Variants in MKLN1 observed in about 807,000 individuals in gnomAD.
MKLN1 encodes muskelin.
A neutral mutation model predicts 99.0 loss-of-function variants in MKLN1; 18 were observed. That is an observed-to-expected ratio of 0.18 (90% CI 0.13 to 0.27). The LOEUF is 0.27. MKLN1 is among the 10% of genes least tolerant of loss of function. MKLN1 has a pLI of 1.00. For missense variants in MKLN1, 621 were observed against 875.9 expected (o/e 0.71, Z 3.67); for synonymous variants, 288 against 293.2 (o/e 0.98, Z 0.18).
chr7:131,134,399 C>G (rs1795616626), intron 1 of MKLN1, among the ~76,000 whole-genome samples: 1 of 152,052 alleles, frequency 6.6e-6, no homozygotes, highest in African/African-American at 2.4e-5. Flanking sequence ...TTGTCTGCCC[C>G]CAAGATATCC....
intron 2 of MKLN1, among the ~76,000 whole-genome samples, chr7:131,384,229 C>A (rs1367382266): frequency 1.7e-5 from 2 of 114,530 alleles, no homozygotes; most frequent in Admixed American, 1.1e-4. Context: ...CCCCCACCCC[C>A]ACCCCTACCA....
chr7:131,402,730 G>A (rs1177089422), intron 6 of MKLN1, among the ~76,000 whole-genome samples: 13 of 152,100 alleles, frequency 8.5e-5, no homozygotes, highest in Admixed American at 8.5e-4. Context: ...CAAGCTCTTG[G>A]GTGACAGGTG....
chr7:131,144,753 G>A (rs1023236136), intron 2 of MKLN1, among the ~76,000 whole-genome samples: 10 of 151,826 alleles, frequency 6.6e-5, no homozygotes, highest in African/African-American at 1.9e-4. Flanking sequence ...CGAGGTGGGC[G>A]GATCACCTGA....
chr7:131,413,592 T>C (rs2116339140), intron 7 of MKLN1, among the ~76,000 whole-genome samples: 1 of 152,108 alleles, frequency 6.6e-6, no homozygotes, highest in Non-Finnish European at 1.5e-5. Context: ...CCAGCCGGAG[T>C]GCAGTGGTGC....
At chr7:131,185,981 A>G (rs576155942) in intron 2 of MKLN1, among the ~76,000 whole-genome samples, 3 of 150,330 alleles carry the variant, frequency 2.0e-5, no homozygotes, top group Non-Finnish European at 4.4e-5. Context: ...TCATGAGGTC[A>G]AGAGATTGAG....
intron 1 of MKLN1, among the ~76,000 whole-genome samples, chr7:131,335,390 A>G (rs546282733): frequency 6.6e-6 from 1 of 152,312 alleles, no homozygotes; most frequent in South Asian, 2.1e-4. Context: ...TTAAAAAAGT[A>G]TACAAAGAGA....
chr7:131,382,229 G>T (rs1433098728), intron 2 of MKLN1, among the ~76,000 whole-genome samples: 1 of 152,098 alleles, frequency 6.6e-6, no homozygotes, highest in African/African-American at 2.4e-5. Flanking sequence ...GCCAGGCGTG[G>T]TGGCTCATGC....
chr7:131,122,640 A>AGAGAGAAAGGTGACTACT (rs1344961478), intron 1 of MKLN1, among the ~76,000 whole-genome samples: 1 of 152,144 alleles, frequency 6.6e-6, no homozygotes, highest in African/African-American at 2.4e-5. Context: ...GTTTCCCATG[A>AGAGAGAAAGGTGACTACT]GAGAGAAAGG....
At chr7:131,464,057 T>C (rs1012757241) in intron 13 of MKLN1, among the ~76,000 whole-genome samples, 12 of 152,246 alleles carry the variant, frequency 7.9e-5, no homozygotes, top group Non-Finnish European at 1.2e-4. Context: ...TGTATGCTGT[T>C]TGTATTTCAT....
At chr7:131,183,846 T>G (rs1468199868) in intron 2 of MKLN1, among the ~76,000 whole-genome samples, 1 of 152,172 alleles carries the variant, frequency 6.6e-6, no homozygotes, top group African/African-American at 2.4e-5. Flanking sequence ...CTTGAATCTT[T>G]GAATTCTTTT....
At chr7:131,243,949 G>A (rs913843617) in intron 3 of MKLN1, among the ~76,000 whole-genome samples, 2 of 152,160 alleles carry the variant, frequency 1.3e-5, no homozygotes, top group African/African-American at 4.8e-5. Flanking sequence ...AGGAGGCAGA[G>A]GTTGAAGTGA....
At chr7:131,264,302 T>C (rs1797776156) in intron 3 of MKLN1, among the ~76,000 whole-genome samples, 1 of 152,192 alleles carries the variant, frequency 6.6e-6, no homozygotes, top group Non-Finnish European at 1.5e-5. Context: ...GATTACCGAA[T>C]AAAAAATTAA....
chr7:131,111,939 A>G (rs1013071536), intron 1 of MKLN1, among the ~76,000 whole-genome samples: 4 of 152,266 alleles, frequency 2.6e-5, no homozygotes, highest in African/African-American at 9.6e-5. Context: ...TACACTACAA[A>G]TAGGAAACCC....
chr7:131,120,563 A>AAAG, intron 1 of MKLN1, among the ~76,000 whole-genome samples: 1 of 147,232 alleles, frequency 6.8e-6, no homozygotes, highest in African/African-American at 2.5e-5. Flanking sequence ...AAAAAAAAAA[A>AAAG]AAGAAAAAAG....
At chr7:131,462,995 G>A (rs1335674866) in intron 12 of MKLN1, among the ~76,000 whole-genome samples, 2 of 152,080 alleles carry the variant, frequency 1.3e-5, no homozygotes, top group Non-Finnish European at 2.9e-5. Context: ...GGTGGTGCAT[G>A]CTTGTAGTCC....
At chr7:131,202,539 C>T (rs1258008428) in intron 2 of MKLN1, among the ~76,000 whole-genome samples, 1 of 152,180 alleles carries the variant, frequency 6.6e-6, no homozygotes, top group African/African-American at 2.4e-5. Context: ...CACCGCGGCT[C>T]CCTGGCACTG....
intron 8 of MKLN1, among the ~76,000 whole-genome samples, chr7:131,420,243 A>G (rs1421113341): frequency 6.6e-6 from 1 of 151,958 alleles, no homozygotes; most frequent in Non-Finnish European, 1.5e-5. Context: ...CTGCTTATGA[A>G]AGAGTAGCTA....
intron 2 of MKLN1, among the ~76,000 whole-genome samples, chr7:131,157,542 T>G (rs1374148195): frequency 6.6e-6 from 1 of 152,152 alleles, no homozygotes; most frequent in Non-Finnish European, 1.5e-5. Flanking sequence ...ATGAGAGAAA[T>G]CGTATCCATT....
intron 3 of MKLN1, among the ~76,000 whole-genome samples, chr7:131,228,330 C>A (rs1797187851): frequency 6.6e-6 from 1 of 152,192 alleles, no homozygotes; most frequent in Non-Finnish European, 1.5e-5. Context: ...TCTTAACATT[C>A]TTGAGCTCAA....
Sources: allele counts gnomAD v4.1 joint callset (sites outside exome capture counted in the v4.1 genomes callset), GRCh38; gene constraint gnomAD v4.1.1; transcripts MANE v1.5; gene names NCBI Gene and HGNC (gene_info 2026-07-23, HGNC 2026-07-21).